The following PRDM14 variants were observed in gnomAD, a reference collection of about 807,000 sequenced individuals.
PRDM14 encodes the protein PR domain zinc finger protein 14.
A neutral mutation model predicts 48.0 loss-of-function variants in PRDM14; 16 were observed. That is an observed-to-expected ratio of 0.33 (90% CI 0.23 to 0.51). The LOEUF (loss-of-function observed/expected upper bound fraction) is 0.51, where lower values mean the gene tolerates loss of function less well. PRDM14 is among the 20% of genes least tolerant of loss of function. The pLI, the probability that PRDM14 is intolerant of heterozygous loss-of-function variation, is 0.97. For missense variants in PRDM14, 566 were observed against 719.6 expected (o/e 0.79, Z 2.44); for synonymous variants, 264 against 276.6 (o/e 0.95, Z 0.45).
chr8:70,055,662 A>T (rs974036283), intron 6 of PRDM14, among the ~76,000 whole-genome samples: 1 of 152,060 alleles, frequency 6.6e-6, no homozygotes, highest in Non-Finnish European at 1.5e-5. Context: ...CGTGCCACTA[A>T]GCCAGCTAAC....
chr8:70,058,156 C>T (rs28709028), intron 6 of PRDM14, among the ~76,000 whole-genome samples: 39,462 of 152,100 alleles, frequency 0.26, 5,436 homozygotes, highest in East Asian at 0.37. Context: ...AGAGGCCTTC[C>T]GCTCCTTGGA....
chr8:70,056,905 C>A (rs1354177665), intron 6 of PRDM14, among the ~76,000 whole-genome samples: 4 of 151,450 alleles, frequency 2.6e-5, no homozygotes, highest in Admixed American at 2.6e-4. Context: ...CTCACTATCA[C>A]CAGCTTCCTC....
intron 7 of PRDM14, among the ~76,000 whole-genome samples, chr8:70,052,846 C>A (rs1805409579): frequency 9.2e-6 from 1 of 108,242 alleles, no homozygotes; most frequent in Non-Finnish European, 1.7e-5. Flanking sequence ...GCCTGGGTGA[C>A]AGAGTGAGAC....
At chr8:70,067,957 C>T (rs79318852) in intron 4 of PRDM14, among the ~76,000 whole-genome samples, 2,052 of 152,158 alleles carry the variant, frequency 0.013, 56 homozygotes, top group African/African-American at 0.045. Flanking sequence ...TATAATACAA[C>T]ATATTGATTC....
intron 5 of PRDM14, among the ~76,000 whole-genome samples, chr8:70,060,448 C>T (rs1585650476): frequency 6.6e-6 from 1 of 151,538 alleles, no homozygotes. Context: ...ATTGTCATAC[C>T]TAAACGATTA....
At chr8:70,062,460 T>C (rs539948079) in intron 5 of PRDM14, among the ~76,000 whole-genome samples, 1 of 152,304 alleles carries the variant, frequency 6.6e-6, no homozygotes, top group East Asian at 1.9e-4. Flanking sequence ...ATAAAGTCCA[T>C]TTATGTTTTG....
chr8:70,069,792 C>A lies in PRDM14; in HGVS notation c.69G>T (p.Pro23=). ...DKVCYPPESS[P]QNLAAYYTPF... ...GCGTGTAGTACGCGGCCAGGTTCTG[C>A]GGGCTGCTCTCCGGCGGGTAGCACA... The change falls in exon 2 of 8, where the codon CCG becomes CCT. Residue 23 remains proline, a synonymous_variant. Coordinates refer to ENST00000276594, the MANE Select transcript of PRDM14 (RefSeq NM_024504.4). 2 of 1,610,068 alleles carry A rather than the reference C, an allele frequency of 1.2e-6. No homozygotes were observed. Among genetic ancestry groups the A allele is most frequent in the Non-Finnish European group, 8.5e-7 (1 of 1,178,688 alleles).
intron 1 of PRDM14, among the ~76,000 whole-genome samples, chr8:70,070,948 C>T (rs1805756542): frequency 6.6e-6 from 1 of 152,208 alleles, no homozygotes; most frequent in Admixed American, 6.5e-5. Flanking sequence ...ACACAGGCAG[C>T]GGCCCGTCTC....
At chr8:70,055,653 G>A (rs1014505463) in intron 6 of PRDM14, among the ~76,000 whole-genome samples, 1 of 151,984 alleles carries the variant, frequency 6.6e-6, no homozygotes, top group Non-Finnish European at 1.5e-5. Context: ...CTACAGGTGC[G>A]TGCCACTAAG....
Position 70,068,460 on chromosome 8 carries a change from T to G in PRDM14, c.754+19A>C. 2 of 1,614,012 alleles carry G rather than the reference T, an allele frequency of 1.2e-6. No homozygotes were observed. Among genetic ancestry groups the G allele is most frequent in the Non-Finnish European group, 1.7e-6 (2 of 1,179,880 alleles). On this transcript the variant is annotated intron_variant, in intron 3 of 7. Transcript: ENST00000276594. ...GCATTAGTTCAGGGAAAGAAATCCA[T>G]GCAAGGAGTCCTGCCTACCTTCTGG...
intron 6 of PRDM14, among the ~76,000 whole-genome samples, chr8:70,057,469 A>G (rs1208448179): frequency 6.6e-6 from 1 of 151,762 alleles, no homozygotes; most frequent in African/African-American, 2.4e-5. Context: ...AACTGGGGCT[A>G]CAGGTGCCTG....
At chr8:70,055,082 A>AT (rs1182592874) in intron 7 of PRDM14, among the ~76,000 whole-genome samples, 1 of 152,218 alleles carries the variant, frequency 6.6e-6, no homozygotes, top group African/African-American at 2.4e-5. Context: ...AATGTATTTT[A>AT]TTACATGTAC....
intron 4 of PRDM14, among the ~76,000 whole-genome samples, chr8:70,067,969 TTAAATGTATATTCCATTGC>T: frequency 6.6e-6 from 1 of 152,344 alleles, no homozygotes; most frequent in Non-Finnish European, 1.5e-5. Context: ...TATTGATTCT[TTAAATGTATATTCCATTGC>T]TAATCTTCCA....
At chr8:70,054,620 G>A (rs1476241232) in intron 7 of PRDM14, among the ~76,000 whole-genome samples, 1 of 150,234 alleles carries the variant, frequency 6.7e-6, no homozygotes, top group Non-Finnish European at 1.5e-5. Flanking sequence ...CTGGGTTCAA[G>A]TGATTCTCCT....
chr8:70,060,363 C>T (rs1473037284), intron 5 of PRDM14, among the ~76,000 whole-genome samples: 1 of 150,156 alleles, frequency 6.7e-6, no homozygotes, highest in African/African-American at 2.5e-5. Context: ...TGAGCCACTG[C>T]ACTCCAGCCT....
rs1805721394 is a variant in PRDM14, at chr8:70,069,198, A to C, written c.663T>G (p.His221Gln). The change falls in exon 2 of 8, where the codon CAT (histidine) becomes CAG (glutamine). Residue 221 changes from histidine (H) to glutamine (Q), a missense_variant. By Grantham distance (24) the His-to-Gln change is conservative (BLOSUM62 0). This residue lies in a region of PRDM14 where 410 missense variants were observed against 424.6 expected (regional missense o/e 0.97). Coordinates refer to ENST00000276594, the MANE Select transcript of PRDM14 (RefSeq NM_024504.4). ...GGGGGACCAGGAGGCCTGAAATCGC[A>C]TGGTGCAGGCTGGCTGGGTGCTCCA... is the stretch of plus-strand genomic sequence containing the variant. ...PSLEHPASLH[H>Q]AISGLLVPPD... The C allele has an allele frequency of 6.6e-7, 1 of 1,525,408 alleles. No individual in the cohort carries two copies. Among genetic ancestry groups the C allele is most frequent in the Non-Finnish European group, 8.8e-7 (1 of 1,137,148 alleles). The allele number at this position is 1,525,408 out of a possible 1,614,324, so 94.5% of individuals were successfully genotyped here.
intron 5 of PRDM14, among the ~76,000 whole-genome samples, chr8:70,059,726 T>C (rs997743630): frequency 6.6e-6 from 1 of 152,232 alleles, no homozygotes; most frequent in Admixed American, 6.5e-5. Flanking sequence ...CCATAGTAGA[T>C]TATTTTAATA....
Position 70,056,692 on chromosome 8 carries a change from T to C in PRDM14, c.1387-1291A>G, listed in dbSNP as rs1805477797. ...AGCTGAGCATGGTGGCATGCACTTA[T>C]AGCCTCAGCTCAGCTACTTGGGAGG... On this transcript the variant is annotated intron_variant, in intron 6 of 7. Coordinates refer to ENST00000276594, the MANE Select transcript of PRDM14 (RefSeq NM_024504.4). Among the ~76,000 whole-genome samples, 5 of 151,356 alleles carry C rather than the reference T, an allele frequency of 3.3e-5. No individual in the cohort carries two copies. The South Asian group carries it at 1.0e-3, about 32-fold the overall frequency.
intron 5 of PRDM14, among the ~76,000 whole-genome samples, chr8:70,065,653 T>C (rs1563441874): frequency 1.3e-5 from 2 of 152,188 alleles, no homozygotes; most frequent in Admixed American, 1.3e-4. Flanking sequence ...AGACCCATAG[T>C]AGGCAATGTA....
Sources: allele counts gnomAD v4.1 joint callset (sites outside exome capture counted in the v4.1 genomes callset), GRCh38; gene constraint gnomAD v4.1.1; regional missense constraint gnomAD v4.1.1; transcripts MANE v1.5; gene names NCBI Gene and HGNC (gene_info 2026-07-23, HGNC 2026-07-21).